TOX2: variants seen among roughly 807,000 people sequenced by gnomAD.
TOX2 encodes the protein granulosa cell HMG box 1.
A neutral mutation model predicts 47.4 loss-of-function variants in TOX2; 15 were observed. The observed-to-expected ratio is 0.32, with a 90% CI of 0.21 to 0.49. TOX2 has a LOEUF of 0.49. TOX2 is among the 20% of genes least tolerant of loss of function. The probability of loss-of-function intolerance (pLI) is 0.99; values close to 1 mark genes in which losing one functional copy is unlikely to be tolerated. For synonymous variants in TOX2, 290 were observed against 296.6 expected, an observed-to-expected ratio of 0.98 and a Z score of 0.23; for missense variants, 622 against 673.1, an observed-to-expected ratio of 0.92 and a Z score of 0.84.
At chr20:44,015,820 T>G (rs1303385955) in intron 3 of TOX2, among the ~76,000 whole-genome samples, 1 of 152,174 alleles carries the variant, frequency 6.6e-6, no homozygotes, top group Non-Finnish European at 1.5e-5. Flanking sequence ...CATGCTTAAT[T>G]TAGCAGCTAC....
chr20:44,066,673 G>A, intron 7 of TOX2, 57 bp from the exon 8 acceptor site: 1 of 1,612,908 alleles, frequency 6.2e-7, no homozygotes. Flanking sequence ...GGAGGCCTGG[G>A]ACAGTCTGCC....
intron 3 of TOX2, among the ~76,000 whole-genome samples, chr20:44,017,056 G>A (rs1420418861): frequency 6.6e-6 from 1 of 152,224 alleles, no homozygotes; most frequent in Non-Finnish European, 1.5e-5. Context: ...TGAAGGCTGG[G>A]CCTGGGCCTT....
chr20:43,942,366 C>T (rs1221341111), intron 1 of TOX2, among the ~76,000 whole-genome samples: 1 of 152,208 alleles, frequency 6.6e-6, no homozygotes, highest in Admixed American at 6.5e-5. Context: ...CCCTGCCCCT[C>T]ACCCTGGGAA....
chr20:43,920,171 G>A (rs1488369537), intron 1 of TOX2, among the ~76,000 whole-genome samples: 1 of 152,212 alleles, frequency 6.6e-6, no homozygotes, highest in Non-Finnish European at 1.5e-5. Context: ...CCAGCACCTG[G>A]CATCGTGCCT....
At chr20:43,994,930 G>A (rs772195999) in intron 2 of TOX2, among the ~76,000 whole-genome samples, 57 of 152,226 alleles carry the variant, frequency 3.7e-4, no homozygotes, top group Admixed American at 2.0e-4. Flanking sequence ...GCACACTGCC[G>A]GTGGGAGGGT....
At chr20:44,066,139 T>A (rs773983289) in intron 7 of TOX2, 32 bp downstream of exon 7, 1 of 1,497,218 alleles carries the variant, frequency 6.7e-7, no homozygotes, top group East Asian at 2.3e-5. Context: ...AGCCCTTCTG[T>A]GACCGTGTGG....
At chr20:43,960,292 G>C (rs2069736379) in intron 1 of TOX2, among the ~76,000 whole-genome samples, 1 of 152,148 alleles carries the variant, frequency 6.6e-6, no homozygotes, top group South Asian at 2.1e-4. Flanking sequence ...AGTGTTGGCT[G>C]CTGCCCCTAT....
chr20:43,918,210 C>T (rs139777618), intron 1 of TOX2, among the ~76,000 whole-genome samples: 1 of 152,336 alleles, frequency 6.6e-6, no homozygotes, highest in East Asian at 1.9e-4. Flanking sequence ...CCCTGCTCAA[C>T]TATGGCAGAC....
At chr20:43,951,703 TTA>T (rs2069569185) in intron 1 of TOX2, among the ~76,000 whole-genome samples, 1 of 125,944 alleles carries the variant, frequency 7.9e-6, no homozygotes, top group African/African-American at 3.2e-5. Flanking sequence ...ATTAAACTTA[TTA>T]TGTTTTTTTT....
chr20:44,021,495 A>G (rs1358788057), intron 3 of TOX2, among the ~76,000 whole-genome samples: 1 of 152,278 alleles, frequency 6.6e-6, no homozygotes, highest in South Asian at 2.1e-4. Flanking sequence ...GTCCCTGTGC[A>G]CACAAGACCC....
At chr20:44,052,170 C>G (rs868487039) in intron 4 of TOX2, among the ~76,000 whole-genome samples, 2 of 152,062 alleles carry the variant, frequency 1.3e-5, no homozygotes, top group Non-Finnish European at 2.9e-5. Flanking sequence ...CAAAAATGAC[C>G]GCCCCACTGG....
intron 5 of TOX2, among the ~76,000 whole-genome samples, chr20:44,062,367 A>AAAATAAATAAAT (rs200770035): frequency 1.2e-3 from 176 of 140,906 alleles, no homozygotes; most frequent in Middle Eastern, 7.0e-3. Context: ...CTTTAACTGC[A>AAAATAAATAAAT]AAATAAATAA....
intron 2 of TOX2, among the ~76,000 whole-genome samples, chr20:43,998,303 A>T (rs2070513949): frequency 6.6e-6 from 1 of 152,224 alleles, no homozygotes; most frequent in African/African-American, 2.4e-5. Context: ...TTGGGTGGGG[A>T]TGCAAAGCCA....
At chr20:43,973,170 G>C (rs545320663) in intron 1 of TOX2, among the ~76,000 whole-genome samples, 197 bp from the exon 2 acceptor site, 1 of 152,224 alleles carries the variant, frequency 6.6e-6, no homozygotes, top group Admixed American at 6.5e-5. Context: ...CTCAAGGGCC[G>C]TGGAACAGGG....
rs778291166 is a variant in TOX2 at position 44,066,824 on chromosome 20, A to T, written c.1451A>T (p.Tyr484Phe). The change falls in exon 8 of 9, where the codon TAC becomes TTC. Residue 484 changes from tyrosine (Y) to phenylalanine (F), a missense_variant. Transcript: ENST00000341197. ...PTSSGDWDSS[Y>F]PSGECGISTC... is the part of the protein sequence containing the mutation. ...AGCAGCGGGGACTGGGACAGCAGCT[A>T]CCCCAGTGGGGAGTGTGGCATCAGC... 1.2e-6 allele frequency: 2 copies of T among 1,613,886 alleles called. No individual in the cohort carries two copies. Among genetic ancestry groups the T allele is most frequent in the Admixed American group, 1.7e-5 (1 of 59,992 alleles).
rs78351026 is a variant in TOX2 at position 43,970,615 on chromosome 20, A to G, written c.100-2752A>G. Among the ~76,000 whole-genome samples the G allele has an allele frequency of 5.1e-3, 771 of 152,324 alleles. 6 individuals carry two copies. The highest frequency in any genetic ancestry group is 0.018 in the African/African-American group (738 of 41,562). On this transcript the variant is annotated intron_variant, in intron 1 of 8. Transcript: ENST00000341197. ...TTATTCTTCCTATTAGGGTCTACTT[A>G]TAAGTTACATGTGATTTTTAAAAAA...
chr20:43,983,195 A>G (rs1355092550), intron 2 of TOX2, among the ~76,000 whole-genome samples: 1 of 152,078 alleles, frequency 6.6e-6, no homozygotes, highest in East Asian at 1.9e-4. Context: ...GAGTACAGCC[A>G]TCATGTCATA....
At chr20:43,989,084 C>T (rs891797313) in intron 2 of TOX2, among the ~76,000 whole-genome samples, 1 of 152,138 alleles carries the variant, frequency 6.6e-6, no homozygotes, top group Admixed American at 6.5e-5. Context: ...ATGCAGCATC[C>T]CCTGGAGCTT....
chr20:43,941,734 G>C (rs939566244), intron 1 of TOX2, among the ~76,000 whole-genome samples: 1 of 152,140 alleles, frequency 6.6e-6, no homozygotes, highest in African/African-American at 2.4e-5. Flanking sequence ...GTCTCTCCTT[G>C]GGATGTTGCA....
Sources: gnomAD v4.1 joint callset for allele counts (sites outside exome capture counted in the v4.1 genomes callset) on GRCh38, gnomAD v4.1.1 for gene constraint, MANE v1.5 for transcripts, NCBI Gene and HGNC (gene_info 2026-07-23, HGNC 2026-07-21) for gene names.